RREB1: variants seen among roughly 807,000 people sequenced by gnomAD.
The protein encoded by RREB1 is ras-responsive element-binding protein 1.
RREB1 carries 27 observed loss-of-function variants against 117.8 expected under a neutral mutation model. The ratio of observed to expected loss-of-function variants is 0.23; its 90% CI spans 0.17 to 0.32. The LOEUF (loss-of-function observed/expected upper bound fraction) is 0.32, where lower values mean the gene tolerates loss of function less well. Ranked by LOEUF, RREB1 falls within the 10% of genes least tolerant of loss-of-function variation. The pLI, the probability that RREB1 is intolerant of heterozygous loss-of-function variation, is 1.00. For missense variants in RREB1, 2,577 were observed against 2,378.2 expected (o/e 1.08, Z -1.74); for synonymous variants, 1,298 against 1,026.7 (o/e 1.26, Z -5.05).
At position 7,114,903 on chromosome 6, in the gene RREB1, C is replaced by T. The variant is rs534969902; in HGVS notation, c.-285+6843C>T. ...CTGTTGTGGTCGATGGCTCAGCTTT[C>T]CCAGTCACCTCTTCAGTTATTTGGG... On this transcript the variant is annotated intron_variant, in intron 1 of 12. Transcript: ENST00000379938. Among the ~76,000 whole-genome samples the T allele has an allele frequency of 3.3e-5, 5 of 152,234 alleles. No individual in the cohort carries two copies. In the South Asian group the frequency reaches 1.0e-3, roughly 32 times the overall value.
Position 7,226,387 on chromosome 6 carries a change from G to A in RREB1, c.708-80G>A, listed in dbSNP as rs1166750739. 12 of 1,022,260 alleles carry A rather than the reference G, an allele frequency of 1.2e-5. No homozygotes were observed. In the Admixed American group the frequency reaches 2.6e-4, roughly 22 times the overall value. 63.3% of individuals were successfully genotyped at this position (1,022,260 alleles called of 1,614,324 possible). A position where few individuals can be genotyped will look rare whatever the true frequency, so the allele number is the denominator to read the frequency against. The stretch of plus-strand genomic sequence containing the variant: ...ATGAATCAACAAAAACTTAAGTCTG[G>A]AAGAGTGGAAACTCTGACTTAACTG... On this transcript the variant is annotated intron_variant, in intron 8 of 12. Transcript: ENST00000379938.
intron 8 of RREB1, chr6:7,214,035 C>T (rs1289828782): frequency 1.3e-5 from 2 of 152,348 alleles, no homozygotes; most frequent in Non-Finnish European, 2.9e-5. Context: ...CGAGGTTCTC[C>T]TGGAGCAATC....
At chr6:7,175,130 T>G (rs2113510755) in intron 1 of RREB1, among the ~76,000 whole-genome samples, 1 of 152,280 alleles carries the variant, frequency 6.6e-6, no homozygotes, top group East Asian at 1.9e-4. Flanking sequence ...TAAGCAATAT[T>G]TAATTTCACC....
chr6:7,232,863 T>C (rs1374886674), intron 10 of RREB1, among the ~76,000 whole-genome samples: 1 of 151,760 alleles, frequency 6.6e-6, no homozygotes, highest in East Asian at 1.9e-4. Flanking sequence ...AGTGCTGGGA[T>C]CACAGGCATG....
intron 1 of RREB1, among the ~76,000 whole-genome samples, chr6:7,117,388 G>GTTTTTTGT (rs1761449898): frequency 1.6e-5 from 1 of 63,292 alleles, no homozygotes; most frequent in East Asian, 1.0e-3. Context: ...TAGGTTTCCT[G>GTTTTTTGT]TTTTTTTTTT....
chr6:7,152,116 G>A, intron 1 of RREB1, among the ~76,000 whole-genome samples: 1 of 152,212 alleles, frequency 6.6e-6, no homozygotes, highest in Non-Finnish European at 1.5e-5. Flanking sequence ...GGCTTTATGG[G>A]AGAGTGATAG....
chr6:7,138,039 A>G (rs1383092245), intron 1 of RREB1, among the ~76,000 whole-genome samples: 2 of 152,234 alleles, frequency 1.3e-5, no homozygotes, highest in African/African-American at 2.4e-5. Flanking sequence ...TGCAAAAAGC[A>G]TTAGTTAATT....
intron 1 of RREB1, among the ~76,000 whole-genome samples, chr6:7,165,037 T>C (rs1763854759): frequency 6.6e-6 from 1 of 152,370 alleles, no homozygotes; most frequent in Middle Eastern, 3.4e-3. Flanking sequence ...AATGTCTAAG[T>C]GAGCCCTGAA....
chr6:7,232,240 G>A (rs1462090037), intron 10 of RREB1, among the ~76,000 whole-genome samples: 8 of 152,222 alleles, frequency 5.3e-5, no homozygotes, highest in Non-Finnish European at 8.8e-5. Context: ...CAGATTATCT[G>A]CTGGGTTAAA....
At chr6:7,204,773 C>G (rs1334543838) in intron 6 of RREB1, among the ~76,000 whole-genome samples, 2 of 152,174 alleles carry the variant, frequency 1.3e-5, no homozygotes, top group Non-Finnish European at 2.9e-5. Context: ...GAAAAGTTAG[C>G]AAATACTGGA....
At chr6:7,203,495 C>A (rs1466804807) in intron 6 of RREB1, among the ~76,000 whole-genome samples, 2 of 152,186 alleles carry the variant, frequency 1.3e-5, no homozygotes, top group African/African-American at 4.8e-5. Flanking sequence ...CCAAATACTG[C>A]CAAGGAACCT....
rs558273006 is a variant in RREB1, at chr6:7,141,124, G to T, written c.-285+33064G>T. On this transcript the variant is annotated intron_variant, in intron 1 of 12. Coordinates refer to ENST00000379938, the MANE Select transcript of RREB1 (RefSeq NM_001003699.4). Reference sequence around the variant, plus strand: ...CCCGCGTCAGGGCTCCACGGCCGCAGGGGCCCCCTCGGGCCGCCCCCAGGG... The same window carrying T: ...CCCGCGTCAGGGCTCCACGGCCGCATGGGCCCCCTCGGGCCGCCCCCAGGG... 7.0e-4 allele frequency among the ~76,000 whole-genome samples: 107 copies of T among 152,324 alleles called. 1 individual carries two copies. Among genetic ancestry groups the T allele is most frequent in the African/African-American group, 2.5e-3 (105 of 41,586 alleles).
intron 1 of RREB1, among the ~76,000 whole-genome samples, chr6:7,151,281 A>G (rs1393667334): frequency 6.6e-6 from 1 of 152,156 alleles, no homozygotes; most frequent in Non-Finnish European, 1.5e-5. Context: ...GCCCAAAGAG[A>G]AGAATTTGAT....
intron 1 of RREB1, among the ~76,000 whole-genome samples, chr6:7,154,403 T>C (rs1236361849): frequency 2.0e-5 from 3 of 152,158 alleles, no homozygotes; most frequent in Non-Finnish European, 4.4e-5. Context: ...GGGAGTACAA[T>C]GTTTGTAGCA....
In RREB1 at chr6:7,246,995, G is replaced by A. The variant is rs759699945; in HGVS notation, c.4545G>A (p.Gly1515=). 3 of 1,598,100 alleles carry A rather than the reference G, an allele frequency of 1.9e-6. No individual in the cohort carries two copies. Among genetic ancestry groups the A allele is most frequent in the Admixed American group, 1.7e-5 (1 of 58,066 alleles). The change falls in exon 12 of 13, where the codon GGG becomes GGA. Residue 1515 remains glycine (G), a synonymous_variant. Coordinates refer to ENST00000379938, the MANE Select transcript of RREB1 (RefSeq NM_001003699.4). The part of the protein sequence containing the change: ...AEVVESAPGA[G]EAPAEKLAEE... ...TGGTGGAGTCGGCCCCGGGTGCCGG[G>A]GAGGCCCCGGCGGAAAAGCTCGCGG...
rs1769351099 is a variant in RREB1 at position 7,250,243 on chromosome 6, G to A, written c.*1275G>A. 1 of 152,148 alleles carries A rather than the reference G, an allele frequency of 6.6e-6. No homozygotes were observed. The highest frequency in any genetic ancestry group is 1.5e-5 in the Non-Finnish European group (1 of 68,018). The allele number at this position is 152,148 out of a possible 1,614,324, so 9.4% of individuals were successfully genotyped here. A position where few individuals can be genotyped will look rare whatever the true frequency, so the allele number is the denominator to read the frequency against. On this transcript the variant is annotated 3_prime_UTR_variant, in exon 13 of 13. Transcript: ENST00000379938. Reference sequence around the variant, plus strand: ...CCAAGCCTTACCCAGCTGTGCTACTGTCATTTGCAAAGCAAGGAAATACTA... The same window carrying A: ...CCAAGCCTTACCCAGCTGTGCTACTATCATTTGCAAAGCAAGGAAATACTA...
At chr6:7,167,413 G>A (rs561175318) in intron 1 of RREB1, among the ~76,000 whole-genome samples, 3 of 149,630 alleles carry the variant, frequency 2.0e-5, no homozygotes, top group Non-Finnish European at 4.4e-5. Context: ...GAGTGCAATG[G>A]CACTATCTTG....
Position 7,210,216 on chromosome 6 carries a change from G to A in RREB1, c.426-588G>A, listed in dbSNP as rs12193356. 1.3e-3 allele frequency among the ~76,000 whole-genome samples: 192 copies of A among 152,296 alleles called. 1 individual carries two copies. Among genetic ancestry groups the A allele is most frequent in the African/African-American group, 4.1e-3 (172 of 41,562 alleles). On this transcript the variant is annotated intron_variant, in intron 6 of 12. Coordinates refer to ENST00000379938, the MANE Select transcript of RREB1 (RefSeq NM_001003699.4). Reference sequence around the variant, plus strand: ...ATGTAACTTTTTCATTCCACTGTCCGAGTTAACTCTTGTGATCTATAAATC... The same window carrying A: ...ATGTAACTTTTTCATTCCACTGTCCAAGTTAACTCTTGTGATCTATAAATC...
chr6:7,244,735 G>A (rs565187177), intron 11 of RREB1, among the ~76,000 whole-genome samples: 1 of 152,208 alleles, frequency 6.6e-6, no homozygotes, highest in Non-Finnish European at 1.5e-5. Flanking sequence ...GAAATGAAAT[G>A]ATGTAAGTAG....
Sources: allele counts gnomAD v4.1 joint callset (sites outside exome capture counted in the v4.1 genomes callset), GRCh38; gene constraint gnomAD v4.1.1; transcripts MANE v1.5; gene names NCBI Gene and HGNC (gene_info 2026-07-23, HGNC 2026-07-21).